The following SLC24A3 variants were observed in gnomAD, a reference collection of about 807,000 sequenced individuals.
SLC24A3 encodes solute carrier family 24 member 3.
A neutral mutation model predicts 75.8 loss-of-function variants in SLC24A3; 28 were observed. The observed-to-expected ratio is 0.37, with a 90% CI of 0.27 to 0.51. The LOEUF (loss-of-function observed/expected upper bound fraction) is 0.51. Among genes scored for constraint, SLC24A3 ranks in the 20% least tolerant of loss-of-function variants. The probability of loss-of-function intolerance (pLI) is 0.94; values close to 1 mark genes in which losing one functional copy is unlikely to be tolerated. For missense variants in SLC24A3, 663 were observed against 847.8 expected (o/e 0.78, Z 2.71); for synonymous variants, 372 against 334.1 (o/e 1.11, Z -1.24).
intron 2 of SLC24A3, among the ~76,000 whole-genome samples, chr20:19,291,010 G>C (rs1174027759): frequency 6.6e-6 from 1 of 152,182 alleles, no homozygotes; most frequent in Admixed American, 6.5e-5. Context: ...TCTTTGTATT[G>C]AAGTCAACAG....
At chr20:19,637,307 C>CA (rs909330733) in intron 6 of SLC24A3, among the ~76,000 whole-genome samples, 35 of 152,206 alleles carry the variant, frequency 2.3e-4, no homozygotes, top group African/African-American at 7.7e-4. Flanking sequence ...TCTCAAAACA[C>CA]AAAAAATTGT....
At chr20:19,493,987 C>A (rs1452736837) in intron 2 of SLC24A3, among the ~76,000 whole-genome samples, 1 of 152,214 alleles carries the variant, frequency 6.6e-6, no homozygotes, top group African/African-American at 2.4e-5. Flanking sequence ...TAGCTTGCCG[C>A]ATTCCAAGTC....
chr20:19,651,650 G>A (rs2032204963), intron 6 of SLC24A3, among the ~76,000 whole-genome samples: 1 of 151,856 alleles, frequency 6.6e-6, no homozygotes, highest in South Asian at 2.1e-4. Flanking sequence ...ACAAGGTCAG[G>A]AGATCGAGAC....
intron 3 of SLC24A3, among the ~76,000 whole-genome samples, chr20:19,553,928 G>A (rs2030743301): frequency 6.6e-6 from 1 of 152,190 alleles, no homozygotes; most frequent in Non-Finnish European, 1.5e-5. Flanking sequence ...AGAACAGCAG[G>A]AGGGCAGTAG....
intron 2 of SLC24A3, among the ~76,000 whole-genome samples, chr20:19,426,465 T>A (rs551509138): frequency 3.9e-5 from 6 of 152,350 alleles, no homozygotes; most frequent in African/African-American, 1.4e-4. Context: ...TTTGAATTTA[T>A]TTTTTGGAAA....
chr20:19,364,499 AGG>A lies in SLC24A3; in HGVS notation c.271+83413_271+83414del, dbSNP rs1411376866. ...GAGATAGGGTGTCACTCTGTCACCC[AGG>A]CTGGAGGGCAGTGGTGCAGTCATGT... On this transcript the variant is annotated intron_variant, in intron 2 of 16. Transcript: ENST00000328041. 2.8e-3 allele frequency among the ~76,000 whole-genome samples: 428 copies of A among 152,226 alleles called. 3 individuals carry two copies. The highest frequency in any genetic ancestry group is 9.6e-3 in the African/African-American group (398 of 41,538).
chr20:19,481,016 GC>G (rs1371562064), intron 2 of SLC24A3, among the ~76,000 whole-genome samples: 2 of 152,198 alleles, frequency 1.3e-5, no homozygotes, highest in African/African-American at 4.8e-5. Context: ...CCCACTGCAT[GC>G]CTGGACTTAT....
chr20:19,517,520 C>T (rs2122560324), intron 3 of SLC24A3, among the ~76,000 whole-genome samples: 1 of 152,308 alleles, frequency 6.6e-6, no homozygotes, highest in African/African-American at 2.4e-5. Context: ...GACACAAATG[C>T]ATACTATCCT....
At chr20:19,354,186 A>G (rs1985630972) in intron 2 of SLC24A3, among the ~76,000 whole-genome samples, 2 of 152,206 alleles carry the variant, frequency 1.3e-5, no homozygotes, top group African/African-American at 4.8e-5. Flanking sequence ...ACTATTCTTG[A>G]GCTGAAGCTG....
intron 3 of SLC24A3, among the ~76,000 whole-genome samples, chr20:19,527,715 C>G (rs1051833534): frequency 6.6e-6 from 1 of 152,222 alleles, no homozygotes; most frequent in African/African-American, 2.4e-5. Flanking sequence ...ATGTGCATTT[C>G]ACAGTTTAAG....
At chr20:19,550,701 T>C (rs1480355306) in intron 3 of SLC24A3, among the ~76,000 whole-genome samples, 5 of 152,220 alleles carry the variant, frequency 3.3e-5, no homozygotes, top group Non-Finnish European at 7.3e-5. Flanking sequence ...CCTTATATTG[T>C]ACCTGTGTAG....
At chr20:19,505,581 C>A (rs6112427) in intron 2 of SLC24A3, among the ~76,000 whole-genome samples, 2,757 of 152,198 alleles carry the variant, frequency 0.018, 69 homozygotes, top group African/African-American at 0.063. Context: ...GACAGATAGG[C>A]AACCAATCAT....
intron 4 of SLC24A3, among the ~76,000 whole-genome samples, chr20:19,582,449 T>A (rs2031231296): frequency 6.6e-6 from 1 of 152,112 alleles, no homozygotes; most frequent in Non-Finnish European, 1.5e-5. Flanking sequence ...TCTCGCTCAG[T>A]CTCAAATACT....
intron 1 of SLC24A3, among the ~76,000 whole-genome samples, chr20:19,259,361 G>C (rs1444562779): frequency 6.6e-6 from 1 of 152,210 alleles, no homozygotes; most frequent in Non-Finnish European, 1.5e-5. Flanking sequence ...CCTCTAGGAT[G>C]TTGTCTTGTC....
At chr20:19,312,389 T>C (rs1178284216) in intron 2 of SLC24A3, among the ~76,000 whole-genome samples, 2 of 152,194 alleles carry the variant, frequency 1.3e-5, no homozygotes, top group African/African-American at 2.4e-5. Flanking sequence ...ATTTATATAG[T>C]TGATTTTTTA....
intron 2 of SLC24A3, among the ~76,000 whole-genome samples, chr20:19,430,889 CT>C (rs1257300880): frequency 6.6e-6 from 1 of 152,164 alleles, no homozygotes; most frequent in East Asian, 1.9e-4. Context: ...CGGTCACACC[CT>C]ACTCCATCCT....
chr20:19,238,988 A>ACC (rs1351533212), intron 1 of SLC24A3, among the ~76,000 whole-genome samples: 57 of 150,822 alleles, frequency 3.8e-4, no homozygotes, highest in Admixed American at 1.4e-3. Context: ...ACACACACAC[A>ACC]CCTGCCAAAT....
intron 2 of SLC24A3, among the ~76,000 whole-genome samples, chr20:19,470,679 G>A (rs6132208): frequency 0.56 from 85,415 of 151,962 alleles, 24,156 homozygotes; most frequent in East Asian, 0.62. Flanking sequence ...GAAATTAGAC[G>A]CAGAAGAAGA....
At chr20:19,283,334 T>G (rs1483074122) in intron 2 of SLC24A3, 1 of 152,392 alleles carries the variant, frequency 6.6e-6, no homozygotes, top group South Asian at 2.1e-4. Flanking sequence ...TGACTGCTGC[T>G]GGTATAAAAT....
Sources: allele counts gnomAD v4.1 joint callset (sites outside exome capture counted in the v4.1 genomes callset), GRCh38; gene constraint gnomAD v4.1.1; transcripts MANE v1.5; gene names NCBI Gene and HGNC (gene_info 2026-07-23, HGNC 2026-07-21).